The following ZNF385D variants were observed in gnomAD, a reference collection of about 807,000 sequenced individuals.
ZNF385D encodes the protein zinc finger protein 659.
ZNF385D carries 15 observed loss-of-function variants against 35.8 expected under a neutral mutation model. That is an observed-to-expected ratio of 0.42 (90% confidence interval 0.28 to 0.64). ZNF385D has a LOEUF of 0.64. Among genes scored for constraint, ZNF385D ranks in the 30% least tolerant of loss-of-function variants. The pLI is 0.23. For synonymous variants in ZNF385D, 212 were observed against 186.8 expected, an observed-to-expected ratio of 1.13 and a Z score of -1.10; for missense variants, 474 against 494.6, an observed-to-expected ratio of 0.96 and a Z score of 0.39.
intron 3 of ZNF385D, among the ~76,000 whole-genome samples, chr3:22,106,391 G>C (rs932805552): frequency 1.9e-4 from 27 of 144,858 alleles, no homozygotes; most frequent in African/African-American, 6.6e-4. Flanking sequence ...CCTAGGTCCA[G>C]CTGAAAGGAC....
intron 3 of ZNF385D, among the ~76,000 whole-genome samples, chr3:21,782,742 T>C (rs1371022178): frequency 2.0e-5 from 3 of 152,162 alleles, no homozygotes; most frequent in Non-Finnish European, 2.9e-5. Context: ...CTACTACTTT[T>C]AGAATGTGTC....
chr3:21,962,761 G>A (rs1460917880), intron 3 of ZNF385D, among the ~76,000 whole-genome samples: 1 of 152,066 alleles, frequency 6.6e-6, no homozygotes, highest in Non-Finnish European at 1.5e-5. Flanking sequence ...TCGTTGCCTA[G>A]CATACATTCT....
At chr3:22,359,617 C>G (rs1320139985) in intron 2 of ZNF385D, among the ~76,000 whole-genome samples, 3 of 151,620 alleles carry the variant, frequency 2.0e-5, no homozygotes, top group Non-Finnish European at 4.4e-5. Context: ...TTTAAATGTA[C>G]AGAAATAGTT....
intron 3 of ZNF385D, among the ~76,000 whole-genome samples, chr3:22,080,503 T>C (rs1700693668): frequency 6.6e-6 from 1 of 152,084 alleles, no homozygotes; most frequent in Non-Finnish European, 1.5e-5. Flanking sequence ...GCTTTACCAA[T>C]AAGCGGCCAC....
intron 3 of ZNF385D, among the ~76,000 whole-genome samples, chr3:21,858,947 A>G (rs1259499088): frequency 6.6e-6 from 1 of 151,934 alleles, no homozygotes; most frequent in Non-Finnish European, 1.5e-5. Context: ...GTTTCCCCTC[A>G]CTGCTTTATC....
chr3:22,157,772 G>A (rs113523084), intron 3 of ZNF385D, among the ~76,000 whole-genome samples: 4 of 151,962 alleles, frequency 2.6e-5, no homozygotes, highest in South Asian at 2.1e-4. Flanking sequence ...TTCCTCTCAG[G>A]GTTGGAAAAT....
At chr3:21,984,825 A>C (rs1198908101) in intron 3 of ZNF385D, among the ~76,000 whole-genome samples, 6 of 122,902 alleles carry the variant, frequency 4.9e-5, no homozygotes, top group South Asian at 3.8e-4. Context: ...ATTTGTTTGT[A>C]TCCTCTTTTA....
In ZNF385D at chr3:22,155,329, A is replaced by C. The variant is rs895429380; in HGVS notation, c.325+13488T>G. ...TTGATTTTTTTTCCATCAGAAATGA[A>C]ATGAATTAAAATAGTCCCTGATGCT... On this transcript the variant is annotated intron_variant, in intron 3 of 5. Transcript: ENST00000494108. Among the ~76,000 whole-genome samples the C allele has an allele frequency of 3.9e-5, 6 of 152,056 alleles. No individual in the cohort carries two copies. In the East Asian group the frequency reaches 7.7e-4, roughly 20 times the overall value.
At chr3:22,153,393 AT>A (rs1705381869) in intron 3 of ZNF385D, among the ~76,000 whole-genome samples, 1 of 151,364 alleles carries the variant, frequency 6.6e-6, no homozygotes, top group African/African-American at 2.4e-5. Flanking sequence ...TTGTGCAATC[AT>A]GGGCACAAGT....
chr3:21,724,823 C>T (rs1575537704), intron 1 of ZNF385D, among the ~76,000 whole-genome samples: 1 of 151,724 alleles, frequency 6.6e-6, no homozygotes, highest in East Asian at 1.9e-4. Context: ...CAGCTCTGGA[C>T]CAAGCAGACC....
chr3:22,341,401 T>C (rs754515599), intron 2 of ZNF385D, among the ~76,000 whole-genome samples: 1 of 152,180 alleles, frequency 6.6e-6, no homozygotes, highest in Non-Finnish European at 1.5e-5. Context: ...ACAGAGATCA[T>C]AGGGCCCAGA....
intron 3 of ZNF385D, among the ~76,000 whole-genome samples, chr3:22,049,408 G>A (rs996461095): frequency 7.9e-5 from 12 of 151,920 alleles, no homozygotes; most frequent in Non-Finnish European, 1.3e-4. Context: ...TTCTAATAGG[G>A]TGTTCTTTTT....
chr3:21,893,374 C>T (rs565845343), intron 3 of ZNF385D, among the ~76,000 whole-genome samples: 1 of 151,986 alleles, frequency 6.6e-6, no homozygotes, highest in East Asian at 1.9e-4. Context: ...CAAAAAAGTG[C>T]CTTGCACAGA....
chr3:21,626,257 G>A (rs567940755), intron 2 of ZNF385D, among the ~76,000 whole-genome samples: 1 of 152,158 alleles, frequency 6.6e-6, no homozygotes, highest in African/African-American at 2.4e-5. Flanking sequence ...TCCTTTGGGT[G>A]AAAACATGAC....
chr3:21,890,670 G>T (rs1336534708), intron 3 of ZNF385D, among the ~76,000 whole-genome samples: 1 of 152,076 alleles, frequency 6.6e-6, no homozygotes, highest in African/African-American at 2.4e-5. Context: ...GTAAGTTACG[G>T]TGACACAGAC....
intron 3 of ZNF385D, among the ~76,000 whole-genome samples, chr3:21,786,727 A>AT (rs2071703232): frequency 6.6e-6 from 1 of 152,140 alleles, no homozygotes; most frequent in African/African-American, 2.4e-5. Context: ...CATCTAAGTA[A>AT]TTTTTTTAGC....
intron 4 of ZNF385D, among the ~76,000 whole-genome samples, chr3:21,508,561 T>C (rs1706959456): frequency 6.6e-6 from 1 of 151,278 alleles, no homozygotes; most frequent in South Asian, 2.1e-4. Flanking sequence ...TTTATTGTCC[T>C]GTACCTAAGA....
chr3:21,995,158 A>G (rs919177091), intron 3 of ZNF385D, among the ~76,000 whole-genome samples: 3 of 152,216 alleles, frequency 2.0e-5, no homozygotes, highest in African/African-American at 7.2e-5. Context: ...CTAGGCAACA[A>G]CACAGAGGTG....
intron 1 of ZNF385D, among the ~76,000 whole-genome samples, chr3:21,704,269 G>T (rs1037747397): frequency 3.9e-5 from 6 of 151,982 alleles, no homozygotes; most frequent in African/African-American, 1.2e-4. Flanking sequence ...TGTTCTTCAG[G>T]ATTCTACTCA....
Sources: allele counts gnomAD v4.1 joint callset (sites outside exome capture counted in the v4.1 genomes callset), GRCh38; gene constraint gnomAD v4.1.1; transcripts MANE v1.5; gene names NCBI Gene and HGNC (gene_info 2026-07-23, HGNC 2026-07-21).